CACUL1: variants seen among roughly 807,000 people sequenced by gnomAD.
The protein encoded by CACUL1 is CDK2-associated and cullin domain-containing protein 1.
CACUL1 carries 13 observed loss-of-function variants against 45.2 expected under a neutral mutation model. The ratio of observed to expected loss-of-function variants is 0.29; its 90% CI spans 0.19 to 0.46. The LOEUF (loss-of-function observed/expected upper bound fraction) is 0.46, where lower values mean the gene tolerates loss of function less well. Ranked by LOEUF, CACUL1 falls within the 20% of genes least tolerant of loss-of-function variation. CACUL1 has a pLI of 1.00. For missense variants in CACUL1, 421 were observed against 471.4 expected, an observed-to-expected ratio of 0.89 and a Z score of 0.99; for synonymous variants, 197 against 174.2, an observed-to-expected ratio of 1.13 and a Z score of -1.03.
chr10:118,719,182 A>G (rs559835726), intron 3 of CACUL1, among the ~76,000 whole-genome samples: 68 of 152,364 alleles, frequency 4.5e-4, no homozygotes, highest in African/African-American at 1.6e-3. Flanking sequence ...GTCAAATGGA[A>G]ATGTTAAAAA....
At chr10:118,723,421 T>C (rs67687063) in intron 3 of CACUL1, among the ~76,000 whole-genome samples, 26,667 of 152,120 alleles carry the variant, frequency 0.18, 3,046 homozygotes, top group African/African-American at 0.3. Flanking sequence ...TATTCTTATA[T>C]CCTAGAAGAC....
At chr10:118,737,155 G>A (rs946781861) in intron 1 of CACUL1, among the ~76,000 whole-genome samples, 1 of 148,824 alleles carries the variant, frequency 6.7e-6, no homozygotes, top group African/African-American at 2.5e-5. Context: ...AAAAAAACCT[G>A]TATCATCTAC....
intron 3 of CACUL1, among the ~76,000 whole-genome samples, chr10:118,722,668 A>G (rs551479617): frequency 5.4e-4 from 82 of 152,358 alleles, no homozygotes; most frequent in African/African-American, 1.9e-3. Flanking sequence ...GATATGCCAA[A>G]GAGAAGCTGT....
intron 1 of CACUL1, among the ~76,000 whole-genome samples, chr10:118,735,948 CTAGT>C (rs1407988872): frequency 6.6e-6 from 1 of 151,808 alleles, no homozygotes; most frequent in Non-Finnish European, 1.5e-5. Flanking sequence ...TTAACTCGAG[CTAGT>C]TAATGTATGC....
intron 6 of CACUL1, among the ~76,000 whole-genome samples, chr10:118,694,107 GC>G (rs1186907758): frequency 2.0e-5 from 3 of 152,100 alleles, no homozygotes; most frequent in African/African-American, 7.2e-5. Context: ...CTCGTGATCT[GC>G]CCGCCTCGGC....
intron 1 of CACUL1, among the ~76,000 whole-genome samples, chr10:118,745,813 C>A (rs1464424541): frequency 1.3e-5 from 2 of 151,374 alleles, no homozygotes; most frequent in Admixed American, 6.6e-5. Flanking sequence ...CAAACAATAA[C>A]CCTTAAAAAA....
In CACUL1 at chr10:118,754,764, C is replaced by T. The variant is rs375796922; in HGVS notation, c.-2G>A. ...CTCCTCTTCCATGCTTTCCTCCATC[C>T]TGCTGGCCCCCGGCACCCGCCCGCC... On this transcript the variant is annotated 5_prime_UTR_variant, in exon 1 of 9. Transcript: ENST00000369151. 2.9e-5 allele frequency: 45 copies of T among 1,554,842 alleles called. No homozygotes were observed. Among genetic ancestry groups the T allele is most frequent in the Non-Finnish European group, 3.6e-5 (42 of 1,155,316 alleles).
At position 118,682,646 on chromosome 10, in the gene CACUL1, G is replaced by C. The variant is rs1472333741; in HGVS notation, c.*3482C>G. ...AACGTTCAAATCCCTTGTTTGGTCA[G>C]TACAGAATATTGCGAGGTGATGCTC... On this transcript the variant is annotated 3_prime_UTR_variant, in exon 9 of 9. Coordinates refer to ENST00000369151, the MANE Select transcript of CACUL1 (RefSeq NM_153810.5). 1 of 152,684 alleles carries C rather than the reference G, an allele frequency of 6.5e-6. No individual in the cohort carries two copies. Among genetic ancestry groups the C allele is most frequent in the Non-Finnish European group, 1.5e-5 (1 of 68,054 alleles). 9.5% of individuals were successfully genotyped at this position (152,684 alleles called of 1,614,324 possible).
At chr10:118,742,395 G>A (rs1845800736) in intron 1 of CACUL1, among the ~76,000 whole-genome samples, 2 of 152,208 alleles carry the variant, frequency 1.3e-5, no homozygotes, top group Non-Finnish European at 2.9e-5. Flanking sequence ...AGAGTTTACA[G>A]TAAATAAACA....
chr10:118,750,495 A>G (rs1845887352), intron 1 of CACUL1, among the ~76,000 whole-genome samples: 1 of 152,208 alleles, frequency 6.6e-6, no homozygotes, highest in Non-Finnish European at 1.5e-5. Flanking sequence ...TGACAAATCA[A>G]CACCATCCCT....
chr10:118,749,079 G>A (rs1361970826), intron 1 of CACUL1, among the ~76,000 whole-genome samples: 7 of 152,142 alleles, frequency 4.6e-5, no homozygotes, highest in East Asian at 1.9e-4. Flanking sequence ...CCTGAACTGT[G>A]CTCTGAGAAG....
chr10:118,692,909 G>A (rs191504529), intron 6 of CACUL1: 48 of 152,326 alleles, frequency 3.2e-4, no homozygotes, highest in African/African-American at 1.1e-3. Flanking sequence ...TCACGCCTTG[G>A]GAGAAACTCG....
intron 1 of CACUL1, among the ~76,000 whole-genome samples, chr10:118,747,792 G>A (rs1437892679): frequency 6.6e-6 from 1 of 152,142 alleles, no homozygotes; most frequent in Non-Finnish European, 1.5e-5. Context: ...ACTGCAAAGA[G>A]ACACAGGGAA....
intron 6 of CACUL1, chr10:118,693,313 A>C (rs1003339746): frequency 2.6e-5 from 4 of 155,500 alleles, no homozygotes; most frequent in Admixed American, 2.5e-4. Context: ...AGGTGAATAA[A>C]ATGGCTTTAA....
At chr10:118,710,169 T>C (rs1470473331) in intron 3 of CACUL1, among the ~76,000 whole-genome samples, 2 of 151,654 alleles carry the variant, frequency 1.3e-5, no homozygotes, top group East Asian at 3.9e-4. Flanking sequence ...CAAGCAACCC[T>C]CCTGCCTCAG....
intron 1 of CACUL1, among the ~76,000 whole-genome samples, chr10:118,738,617 C>T (rs1374995805): frequency 6.6e-6 from 1 of 151,798 alleles, no homozygotes; most frequent in Non-Finnish European, 1.5e-5. Context: ...ATTCAATCAA[C>T]CTAACATGAA....
At chr10:118,708,118 A>AG (rs1408678725) in intron 3 of CACUL1, among the ~76,000 whole-genome samples, 2 of 141,134 alleles carry the variant, frequency 1.4e-5, no homozygotes, top group Non-Finnish European at 3.0e-5. Context: ...ACTGCACTCC[A>AG]GCCTGGGTGA....
chr10:118,749,231 C>T (rs1845873201), intron 1 of CACUL1, among the ~76,000 whole-genome samples: 1 of 152,146 alleles, frequency 6.6e-6, no homozygotes, highest in Non-Finnish European at 1.5e-5. Context: ...TGGAATAGTT[C>T]TACTTCCAGA....
At chr10:118,689,191 G>A (rs931155093) in intron 7 of CACUL1, among the ~76,000 whole-genome samples, 8 of 152,200 alleles carry the variant, frequency 5.3e-5, no homozygotes. Flanking sequence ...GCATTAAGTT[G>A]GACAGGACAG....
Sources: allele counts gnomAD v4.1 joint callset (sites outside exome capture counted in the v4.1 genomes callset), GRCh38; gene constraint gnomAD v4.1.1; transcripts MANE v1.5; gene names NCBI Gene and HGNC (gene_info 2026-07-23, HGNC 2026-07-21).